Variants in PHEX observed in about 807,000 individuals in gnomAD.
PHEX encodes the protein phosphate regulating endopeptidase X-linked.
A neutral mutation model predicts 68.0 loss-of-function variants in PHEX; 16 were observed. The ratio of observed to expected loss-of-function variants is 0.24; its 90% CI spans 0.16 to 0.36. PHEX has a LOEUF of 0.36. Ranked by LOEUF, PHEX falls within the 10% of genes least tolerant of loss-of-function variation. The pLI, the probability that PHEX is intolerant of heterozygous loss-of-function variation, is 1.00. For synonymous variants in PHEX, 208 were observed against 205.1 expected (o/e 1.01, Z -0.12); for missense variants, 480 against 575.5 (o/e 0.83, Z 1.70).
chrX:22,246,974 T>C (rs1012522023), intron 21 of PHEX, among the ~76,000 whole-genome samples: 13 of 111,633 alleles, frequency 1.2e-4, no homozygotes, highest in Admixed American at 7.7e-4. Context: ...GCAGTAACTA[T>C]AGATTTTGAG....
chrX:22,123,085 GCTCAA>G (rs1931559220), intron 11 of PHEX, among the ~76,000 whole-genome samples: 1 of 105,236 alleles, frequency 9.5e-6, no homozygotes, highest in African/African-American at 3.5e-5. Context: ...TGCCTCCCAG[GCTCAA>G]GCCATCTTCC....
chrX:22,209,648 T>C (rs1167532915), intron 15 of PHEX, among the ~76,000 whole-genome samples: 1 of 106,925 alleles, frequency 9.4e-6, no homozygotes, highest in African/African-American at 3.3e-5. Flanking sequence ...TGCCAACCAC[T>C]AGTTAAACGT....
At chrX:22,057,269 G>T (rs1928153781) in intron 3 of PHEX, among the ~76,000 whole-genome samples, 1 of 111,951 alleles carries the variant, frequency 8.9e-6, no homozygotes, top group Non-Finnish European at 1.9e-5. Flanking sequence ...AACTCAAATG[G>T]ATTTCAGTGC....
At chrX:22,210,424 G>C (rs1934883594) in intron 15 of PHEX, among the ~76,000 whole-genome samples, 1 of 111,904 alleles carries the variant, frequency 8.9e-6, no homozygotes, top group Non-Finnish European at 1.9e-5. Flanking sequence ...CACATTACCA[G>C]GCAGGATAAG....
intron 10 of PHEX, among the ~76,000 whole-genome samples, chrX:22,111,849 T>A (rs765177735): frequency 1.0e-3 from 116 of 112,495 alleles, no homozygotes; most frequent in Non-Finnish European, 2.0e-3. Context: ...CTTATTAGTG[T>A]ATTCCCATTT....
chrX:22,228,270 C>T (rs188563642), intron 20 of PHEX, among the ~76,000 whole-genome samples: 3,488 of 111,298 alleles, frequency 0.031, 136 homozygotes, highest in African/African-American at 0.11. Flanking sequence ...TACGGGCAGC[C>T]TTTTCAAAGA....
Position 22,175,419 on chromosome X carries a change from C to T in PHEX, c.1483-2854C>T, listed in dbSNP as rs59018513. Among the ~76,000 whole-genome samples, 1,074 of 109,540 alleles carry T rather than the reference C, an allele frequency of 9.8e-3. 12 individuals are homozygous for T. The highest frequency in any genetic ancestry group is 0.034 in the African/African-American group (1,036 of 30,034). ...AGGCTGGAGTGCAGTGGCACAATCT[C>T]GGCTCACTGCAACCTCCACCTCCCA... On this transcript the variant is annotated intron_variant, in intron 13 of 21. Coordinates refer to ENST00000379374, the MANE Select transcript of PHEX (RefSeq NM_000444.6).
At chrX:22,035,482 G>A (rs1206157334) in intron 1 of PHEX, among the ~76,000 whole-genome samples, 1 of 112,724 alleles carries the variant, frequency 8.9e-6, no homozygotes, top group African/African-American at 3.2e-5. Context: ...AATGGGCATG[G>A]CTGTGTGCCA....
At chrX:22,135,918 A>G (rs1932208296) in intron 12 of PHEX, among the ~76,000 whole-genome samples, 1 of 111,968 alleles carries the variant, frequency 8.9e-6, no homozygotes, top group Non-Finnish European at 1.9e-5. Flanking sequence ...CCCCGACTGT[A>G]TCTTGCATTT....
chrX:22,040,712 C>T (rs764372984), intron 2 of PHEX, among the ~76,000 whole-genome samples: 6 of 110,578 alleles, frequency 5.4e-5, no homozygotes, highest in South Asian at 7.8e-4. Flanking sequence ...ACTTGAGGAA[C>T]GGGAGGAGCT....
intron 3 of PHEX, among the ~76,000 whole-genome samples, chrX:22,067,784 C>T (rs1163838409): frequency 5.4e-5 from 6 of 111,263 alleles, no homozygotes; most frequent in Non-Finnish European, 9.4e-5. Flanking sequence ...GAATTAGACA[C>T]TCAAGTTAAA....
At position 22,150,377 on chromosome X, in the gene PHEX, A is replaced by G. The variant is rs2301315; in HGVS notation, c.1404+16753A>G. On this transcript the variant is annotated intron_variant, in intron 12 of 21. Transcript: ENST00000379374. ...GGCCTATGGACCATACTTTGAGAAT[A>G]TAGAGCAGGGGGCAGCAAACTTTTC... Among the ~76,000 whole-genome samples the G allele has an allele frequency of 0.012, 1,337 of 111,704 alleles. 73 individuals carry two copies. The East Asian group carries it at 0.22, about 19-fold the overall frequency.
At chrX:22,176,402 A>ATATAT (rs1447357780) in intron 13 of PHEX, among the ~76,000 whole-genome samples, 18 of 57,832 alleles carry the variant, frequency 3.1e-4, no homozygotes, top group East Asian at 4.8e-4. Context: ...AAAAAAAAAA[A>ATATAT]ATATATATAT....
At chrX:22,209,693 C>CCCTCTCTTCCCTCTG (rs1556122619) in intron 15 of PHEX, among the ~76,000 whole-genome samples, 4 of 81,221 alleles carry the variant, frequency 4.9e-5, no homozygotes, top group Non-Finnish European at 8.3e-5. Context: ...TCCTCCCTCT[C>CCCTCTCTTCCCTCTG]CTCCCTCTCC....
intron 20 of PHEX, among the ~76,000 whole-genome samples, chrX:22,229,532 TAAATGTCTTCTTTTGAG>T (rs1935633966): frequency 8.9e-6 from 1 of 112,809 alleles, no homozygotes; most frequent in Non-Finnish European, 1.9e-5. Flanking sequence ...GTTGGCTGCA[TAAATGTCTTCTTTTGAG>T]AAATGTCTGT....
chrX:22,224,498 T>C (rs1935378746), intron 18 of PHEX, among the ~76,000 whole-genome samples: 1 of 111,547 alleles, frequency 9.0e-6, no homozygotes, highest in Non-Finnish European at 1.9e-5. Flanking sequence ...CCCAGCGGTC[T>C]CCAGATGAGG....
At chrX:22,111,808 G>A (rs1930984460) in intron 10 of PHEX, among the ~76,000 whole-genome samples, 1 of 111,936 alleles carries the variant, frequency 8.9e-6, no homozygotes, top group African/African-American at 3.3e-5. Flanking sequence ...AGAAATACTT[G>A]AGGCCACACA....
Position 22,249,455 on chromosome X carries a change from A to AAAATATATAT in PHEX, c.*1503_*1504insAATATATATA. The AAAATATATAT allele has an allele frequency of 3.3e-3, 132 of 39,718 alleles. 1 individual carries two copies. The highest frequency in any genetic ancestry group is 3.9e-3 in the Non-Finnish European group (96 of 24,447). 3.3% of individuals were successfully genotyped at this position (39,718 alleles called of 1,213,427 possible). The stretch of plus-strand genomic sequence containing the variant: ...TTGTGATTCTTTTAAAAAAAAAAAA[A>AAAATATATAT]ATATATATATATATATATATATATA... On this transcript the variant is annotated 3_prime_UTR_variant, in exon 22 of 22. Transcript: ENST00000379374.
intron 12 of PHEX, among the ~76,000 whole-genome samples, chrX:22,135,590 G>A (rs762811558): frequency 9.0e-6 from 1 of 111,705 alleles, no homozygotes; most frequent in South Asian, 3.8e-4. Context: ...TGAGCAGTGT[G>A]GATTGCAGTT....
Sources: allele counts gnomAD v4.1 joint callset (sites outside exome capture counted in the v4.1 genomes callset), GRCh38; gene constraint gnomAD v4.1.1; transcripts MANE v1.5; gene names NCBI Gene and HGNC (gene_info 2026-07-23, HGNC 2026-07-21).